Variants in TPR observed in about 807,000 individuals in gnomAD.
TPR encodes the protein nucleoprotein TPR.
A neutral mutation model predicts 316.1 loss-of-function variants in TPR; 51 were observed. The observed-to-expected ratio is 0.16, with a 90% CI of 0.13 to 0.20. The LOEUF is 0.20. Among genes scored for constraint, TPR ranks in the 10% least tolerant of loss-of-function variants. The pLI is 1.00. For missense variants in TPR, 2,272 were observed against 2,754.8 expected (o/e 0.82, Z 3.92); for synonymous variants, 981 against 914.7 (o/e 1.07, Z -1.31).
intron 39 of TPR, among the ~76,000 whole-genome samples, chr1:186,328,025 T>A (rs1046571261): frequency 1.3e-5 from 2 of 152,076 alleles, no homozygotes; most frequent in African/African-American, 4.8e-5. Context: ...CTTCAAGTGA[T>A]CTCCCACCTT....
At position 186,344,515 on chromosome 1, in the gene TPR, C is replaced by A. The variant is rs1311093298; in HGVS notation, c.3277G>T (p.Val1093Phe). 6.2e-7 allele frequency: 1 copy of A among 1,612,880 alleles called. No homozygotes were observed. The highest frequency in any genetic ancestry group is 1.7e-5 in the Admixed American group (1 of 59,904). The change falls in exon 25 of 51, where the codon GTT becomes TTT. Residue 1093 changes from valine (V) to phenylalanine (F), a missense_variant. Around this residue, in one of 10 missense-constraint regions of TPR, gnomAD observed 757 missense variants for 859.8 expected, o/e 0.88. Transcript: ENST00000367478. ...TCCTTCGCAGCTTGTAGAGCTTCAA[C>A]ATCAGCAGCATGCAGCATCAATTCT... Reference protein sequence around the residue: ...ERELMLHAADVEALQAAKEQV... With the variant: ...ERELMLHAADFEALQAAKEQV...
Position 186,327,573 on chromosome 1 carries a change from C to G in TPR, c.5776G>C (p.Asp1926His), listed in dbSNP as rs767217573. Residue 1926 changes from aspartate (D) to histidine (H), a missense_variant, in exon 40 of 51, where the codon GAT (aspartate) becomes CAT (histidine). Coordinates refer to ENST00000367478, the MANE Select transcript of TPR (RefSeq NM_003292.3). ...TGGGATGAAGTTGTCGTCTGCTGAT[C>G]TGATTGAAGTGGCCCAAGATCTATT... ...LQIDLGPLQS[D>H]QQTTTSSQDG... 6.2e-7 allele frequency: 1 copy of G among 1,612,726 alleles called. No individual in the cohort carries two copies. The highest frequency in any genetic ancestry group is 8.5e-7 in the Non-Finnish European group (1 of 1,179,752).
At chr1:186,334,205 A>G in intron 36 of TPR, 120 bp downstream of exon 36, 1 of 1,085,956 alleles carries the variant, frequency 9.2e-7, no homozygotes, top group Non-Finnish European at 1.3e-6. Context: ...TTAAACACCC[A>G]TTTTTACAAT....
Position 186,311,687 on chromosome 1 carries a change from T to C in TPR, c.*2284A>G, listed in dbSNP as rs1335333803. On this transcript the variant is annotated 3_prime_UTR_variant, in exon 51 of 51. Transcript: ENST00000367478. Reference sequence around the variant, plus strand: ...TTATTGACTTTACTGTCAAAAGATATCTTTAATGGCTGAAATCAAATATTT... The same window carrying C: ...TTATTGACTTTACTGTCAAAAGATACCTTTAATGGCTGAAATCAAATATTT... 19 of 1,314,588 alleles carry C rather than the reference T, an allele frequency of 1.4e-5. No individual in the cohort carries two copies. Among genetic ancestry groups the C allele is most frequent in the Non-Finnish European group, 1.7e-5 (16 of 919,872 alleles). 81.4% of individuals were successfully genotyped at this position (1,314,588 alleles called of 1,614,324 possible).
At position 186,375,231 on chromosome 1, in the gene TPR, C is replaced by A; in HGVS notation, c.-203G>T. The A allele has an allele frequency of 6.8e-7, 1 of 1,464,440 alleles. No homozygotes were observed. Among genetic ancestry groups the A allele is most frequent in the South Asian group, 1.4e-5 (1 of 71,842 alleles). 90.7% of individuals were successfully genotyped at this position (1,464,440 alleles called of 1,614,324 possible). A position where few individuals can be genotyped will look rare whatever the true frequency, so the allele number is the denominator to read the frequency against. On this transcript the variant is annotated 5_prime_UTR_variant, in exon 1 of 51. Transcript: ENST00000367478. ...CTCAGCGGCAGCGTTTCAGCAACAG[C>A]ACCTCACCGCCCGCGACCGAAGTGC...
In TPR at chr1:186,358,567, T is replaced by C. The variant is rs1018079632; in HGVS notation, c.1473A>G (p.Ile491Met). 7.4e-6 allele frequency: 12 copies of C among 1,611,004 alleles called. No individual in the cohort carries two copies. Among genetic ancestry groups the C allele is most frequent in the Middle Eastern group, 1.6e-4 (1 of 6,072 alleles). The change falls in exon 13 of 51, where the codon ATA (isoleucine) becomes ATG (methionine). Residue 491 changes from isoleucine to methionine, a missense_variant. Physicochemically the swap from Ile to Met is conservative, Grantham distance 10. Transcript: ENST00000367478. The part of the protein sequence containing the change: ...VLERDNRRME[I>M]QVKDLSQQIR... ...CCTGTTGTGAAAGATCTTTTACTTG[T>C]ATTTCCATTCTTCGATTATCTCTCT...
At chr1:186,331,790 C>A (rs2102063987) in intron 38 of TPR, among the ~76,000 whole-genome samples, 1 of 152,158 alleles carries the variant, frequency 6.6e-6, no homozygotes, top group East Asian at 1.9e-4. Context: ...CATGCTAATA[C>A]AATTAATTTA....
At chr1:186,336,369 A>G in intron 33 of TPR, 127 bp downstream of exon 33, 1 of 811,584 alleles carries the variant, frequency 1.2e-6, no homozygotes, top group Non-Finnish European at 1.9e-6. Flanking sequence ...CCTAATATTT[A>G]AAGCACACAT....
Position 186,322,663 on chromosome 1 carries a change from C to G in TPR, c.6298-77G>C, listed in dbSNP as rs764801921. 4.9e-4 allele frequency: 683 copies of G among 1,400,112 alleles called. 1 individual carries two copies. Among genetic ancestry groups the G allele is most frequent in the Non-Finnish European group, 6.1e-4 (599 of 989,578 alleles). The allele number at this position is 1,400,112 out of a possible 1,614,324, so 86.7% of individuals were successfully genotyped here. A position where few individuals can be genotyped will look rare whatever the true frequency, so the allele number is the denominator to read the frequency against. On this transcript the variant is annotated intron_variant, in intron 43 of 50. Coordinates refer to ENST00000367478, the MANE Select transcript of TPR (RefSeq NM_003292.3). ...AACAAACACCAAATATCAACAGATA[C>G]AGCTTATTACGCTGCCAACAAAATA...
chr1:186,364,878 A>AACTCTACC (rs1659292065), intron 4 of TPR, among the ~76,000 whole-genome samples: 1 of 152,172 alleles, frequency 6.6e-6, no homozygotes, highest in South Asian at 2.1e-4. Flanking sequence ...GGGATAGGCT[A>AACTCTACC]ACTCTACCGT....
chr1:186,352,231 T>C (rs2101976015), intron 18 of TPR, 121 bp from the exon 19 acceptor site: 1 of 865,968 alleles, frequency 1.2e-6, no homozygotes, highest in African/African-American at 1.8e-5. Context: ...AGGGACTATA[T>C]CTCCTCATTG....
chr1:186,327,070 AAT>A (rs1162483056), intron 40 of TPR, among the ~76,000 whole-genome samples: 1 of 11,286 alleles, frequency 8.9e-5, no homozygotes, highest in African/African-American at 3.5e-4. Context: ...ATTATATATA[AAT>A]ATATATAAAT....
rs2102077430 is a variant in TPR at position 186,345,564 on chromosome 1, A to G, written c.3213+16T>C. 6.4e-7 allele frequency: 1 copy of G among 1,572,522 alleles called. No individual in the cohort carries two copies. The highest frequency in any genetic ancestry group is 1.4e-5 in the African/African-American group (1 of 74,062). ...CTAGGATCGAAGCTCATTTCTCAAT[A>G]ATTGGCTATACTTACTTGTTCCTGA... On this transcript the variant is annotated intron_variant, in intron 24 of 50. Coordinates refer to ENST00000367478, the MANE Select transcript of TPR (RefSeq NM_003292.3).
At chr1:186,321,432 A>T (rs1657774187) in intron 45 of TPR, among the ~76,000 whole-genome samples, 1 of 152,222 alleles carries the variant, frequency 6.6e-6, no homozygotes, top group African/African-American at 2.4e-5. Context: ...ATAGCACAAC[A>T]CTTAGCATAG....
chr1:186,346,388 AAT>A (rs1395731862), intron 22 of TPR, 101 bp from the exon 23 acceptor site: 3 of 1,218,664 alleles, frequency 2.5e-6, no homozygotes, highest in Admixed American at 5.7e-5. Flanking sequence ...TAATAAAATT[AAT>A]GTTTGTTGTA....
In TPR at chr1:186,311,739, T is replaced by C; in HGVS notation, c.*2232A>G. The C allele has an allele frequency of 1.2e-6, 1 of 869,098 alleles. No individual in the cohort carries two copies. The highest frequency in any genetic ancestry group is 1.8e-6 in the Non-Finnish European group (1 of 568,906). The allele number at this position is 869,098 out of a possible 1,614,324, so 53.8% of individuals were successfully genotyped here. A position where few individuals can be genotyped will look rare whatever the true frequency, so the allele number is the denominator to read the frequency against. On this transcript the variant is annotated 3_prime_UTR_variant, in exon 51 of 51. Transcript: ENST00000367478. ...CAGTGAAAAAAATCAATATTGAGGG[T>C]AGTATTCTTATTGCCCTCAATTTTT... is the stretch of plus-strand genomic sequence containing the variant.
chr1:186,371,329 C>A (rs761738847), intron 2 of TPR, among the ~76,000 whole-genome samples: 4 of 152,070 alleles, frequency 2.6e-5, no homozygotes, highest in Admixed American at 6.6e-5. Flanking sequence ...TTTTTCAGTG[C>A]CATCTTCTAA....
At chr1:186,323,216 G>A (rs1428095764) in intron 43 of TPR, among the ~76,000 whole-genome samples, 1 of 152,066 alleles carries the variant, frequency 6.6e-6, no homozygotes, top group Non-Finnish European at 1.5e-5. Flanking sequence ...CTAAATATAA[G>A]GGGTCATACA....
intron 34 of TPR, 83 bp from the exon 35 acceptor site, chr1:186,335,212 A>T: frequency 1.3e-6 from 2 of 1,552,328 alleles, no homozygotes; most frequent in African/African-American, 1.4e-5. Flanking sequence ...CATTATTGTT[A>T]ATTCTCTCCG....
Sources: gnomAD v4.1 joint callset for allele counts (sites outside exome capture counted in the v4.1 genomes callset) on GRCh38, gnomAD v4.1.1 for gene constraint, gnomAD v4.1.1 regional missense constraint, MANE v1.5 for transcripts, NCBI Gene and HGNC (gene_info 2026-07-23, HGNC 2026-07-21) for gene names.